The following PDK3 variants were observed in gnomAD, a reference collection of about 807,000 sequenced individuals.
PDK3 encodes the protein pyruvate dehydrogenase kinase 3.
Under a neutral mutation model 32.0 loss-of-function variants are expected in PDK3, and 12 were observed. The ratio of observed to expected loss-of-function variants is 0.37; its 90% confidence interval spans 0.24 to 0.61. The LOEUF (loss-of-function observed/expected upper bound fraction) is 0.61, where lower values mean the gene tolerates loss of function less well. PDK3 is among the 20% of genes least tolerant of loss of function. The pLI, the probability that PDK3 is intolerant of heterozygous loss-of-function variation, is 0.65. For missense variants in PDK3, 188 were observed against 316.9 expected (o/e 0.59, Z 3.09); for synonymous variants, 122 against 116.3 (o/e 1.05, Z -0.31).
rs111265989 is a variant in PDK3, at chrX:24,506,968, G to A, written c.595+1670G>A. Among the ~76,000 whole-genome samples, 1,032 of 109,003 alleles carry A rather than the reference G, an allele frequency of 9.5e-3. 11 individuals are homozygous for A. The highest frequency in any genetic ancestry group is 0.032 in the African/African-American group (965 of 29,953). 94.7% of individuals were successfully genotyped at this position (109,003 alleles called of 115,157 possible). A position where few individuals can be genotyped will look rare whatever the true frequency, so the allele number is the denominator to read the frequency against. ...TGGGACTACAGGCGCATGCCACCACGCCCAGCTAATTTTTGTATTTTTAAT... is the reference window on the plus strand; with the variant it reads ...TGGGACTACAGGCGCATGCCACCACACCCAGCTAATTTTTGTATTTTTAAT... On this transcript the variant is annotated intron_variant, in intron 5 of 10. Coordinates refer to ENST00000379162, the MANE Select transcript of PDK3 (RefSeq NM_005391.5).
chrX:24,482,511 C>T (rs5986463), intron 1 of PDK3, among the ~76,000 whole-genome samples: 48,116 of 111,045 alleles, frequency 0.43, 8,061 homozygotes, highest in African/African-American at 0.63. Context: ...TTTAAACCTA[C>T]GCTCTTTTCA....
chrX:24,470,651 T>A (rs1453427753), intron 1 of PDK3, among the ~76,000 whole-genome samples: 4 of 87,074 alleles, frequency 4.6e-5, no homozygotes, highest in Admixed American at 3.2e-4. Context: ...CATGCCCTTG[T>A]ACTCCAGCCT....
exon 12 of PDK3, chrX:24,547,178 G>A (rs1250503479): frequency 8.9e-6 from 1 of 112,055 alleles, no homozygotes; most frequent in East Asian, 2.8e-4. Context: ...GGAGTCCCAT[G>A]GTCCAGTTTG....
chrX:24,485,102 C>T (rs1368288258), intron 1 of PDK3, among the ~76,000 whole-genome samples: 1 of 112,087 alleles, frequency 8.9e-6, no homozygotes, highest in Non-Finnish European at 1.9e-5. Flanking sequence ...AATCCCAGCA[C>T]TTTGAGAGGC....
chrX:24,475,177 A>G (rs1921082132), intron 1 of PDK3, among the ~76,000 whole-genome samples: 1 of 111,142 alleles, frequency 9.0e-6, no homozygotes, highest in Non-Finnish European at 1.9e-5. Flanking sequence ...ACATATGTAA[A>G]TGACAGATTT....
chrX:24,468,392 G>A (rs774531974), intron 1 of PDK3, among the ~76,000 whole-genome samples: 4 of 111,688 alleles, frequency 3.6e-5, no homozygotes, highest in Non-Finnish European at 7.5e-5. Flanking sequence ...ACTCCAAGTC[G>A]TGACAACCAA....
chrX:24,483,552 G>A (rs1246992723), intron 1 of PDK3, among the ~76,000 whole-genome samples: 1 of 112,085 alleles, frequency 8.9e-6, no homozygotes, highest in Non-Finnish European at 1.9e-5. Flanking sequence ...TGATTTTAAG[G>A]ATTGAATACC....
chrX:24,532,242 G>A (rs1169051594), intron 10 of PDK3, among the ~76,000 whole-genome samples: 1 of 110,302 alleles, frequency 9.1e-6, no homozygotes, highest in Admixed American at 9.6e-5. Flanking sequence ...CTCCAGCCTG[G>A]GCGACAGAAT....
intron 2 of PDK3, among the ~76,000 whole-genome samples, chrX:24,496,843 G>A (rs747242995): frequency 6.4e-5 from 6 of 93,803 alleles, no homozygotes; most frequent in Non-Finnish European, 4.2e-5. Flanking sequence ...GTGCAGTGGC[G>A]GGATCTCAGC....
At chrX:24,488,545 C>A (rs899624542) in intron 1 of PDK3, among the ~76,000 whole-genome samples, 7 of 111,074 alleles carry the variant, frequency 6.3e-5, no homozygotes, top group Non-Finnish European at 1.1e-4. Flanking sequence ...AAAAATTAGC[C>A]GGGTGTGGTG....
At chrX:24,495,968 G>A (rs5986497) in intron 2 of PDK3, among the ~76,000 whole-genome samples, 2,889 of 111,694 alleles carry the variant, frequency 0.026, 61 homozygotes, top group South Asian at 0.22. Context: ...AGGAAGCAGG[G>A]ACAAAGACCA....
chrX:24,511,886 A>G (rs921743558), intron 5 of PDK3, among the ~76,000 whole-genome samples: 6 of 110,409 alleles, frequency 5.4e-5, no homozygotes, highest in Non-Finnish European at 1.1e-4. Flanking sequence ...ACAACAACAA[A>G]ACAAGTGTTA....
chrX:24,508,293 C>T (rs1922032859), intron 5 of PDK3, among the ~76,000 whole-genome samples: 1 of 111,201 alleles, frequency 9.0e-6, no homozygotes, highest in Non-Finnish European at 1.9e-5. Flanking sequence ...AGGGGAAAAT[C>T]TGCCCCCATG....
intron 1 of PDK3, among the ~76,000 whole-genome samples, chrX:24,485,675 A>G (rs770761203): frequency 8.9e-6 from 1 of 112,128 alleles, no homozygotes; most frequent in African/African-American, 3.2e-5. Context: ...GGTAAAGGAC[A>G]AAAGGGGGTT....
At chrX:24,490,478 A>G (rs765251746) in intron 1 of PDK3, among the ~76,000 whole-genome samples, 11 of 111,719 alleles carry the variant, frequency 9.8e-5, no homozygotes, top group Non-Finnish European at 1.9e-4. Flanking sequence ...AACGCCCCGC[A>G]GGACCATAAG....
intron 1 of PDK3, among the ~76,000 whole-genome samples, chrX:24,491,469 G>A (rs764974997): frequency 3.4e-4 from 37 of 110,031 alleles, no homozygotes; most frequent in Admixed American, 5.8e-4. Context: ...GTCAATGGGT[G>A]GAAAGTTACT....
chrX:24,476,249 C>T lies in PDK3; in HGVS notation c.106+10688C>T, dbSNP rs1921110989. On this transcript the variant is annotated intron_variant, in intron 1 of 10. Coordinates refer to ENST00000379162, the MANE Select transcript of PDK3 (RefSeq NM_005391.5). ...TCGTCCTCCATATCTGTGGGTTCCA[C>T]ATCCATGGATTCAATCAACCTCAGA... Among the ~76,000 whole-genome samples, 3 of 110,629 alleles carry T rather than the reference C, an allele frequency of 2.7e-5. No homozygotes were observed. In the South Asian group the frequency reaches 1.1e-3, roughly 42 times the overall value.
At chrX:24,545,887 A>G (rs1249933354) in exon 12 of PDK3, 3 of 111,856 alleles carry the variant, frequency 2.7e-5, no homozygotes. Context: ...AGGACATTGA[A>G]TAGTACGATT....
chrX:24,516,285 A>C (rs1384510538), intron 5 of PDK3, among the ~76,000 whole-genome samples: 4 of 111,579 alleles, frequency 3.6e-5, no homozygotes, highest in African/African-American at 1.3e-4. Flanking sequence ...AGAGCTGATA[A>C]TCCTGTTGAG....
Sources: gnomAD v4.1 joint callset for allele counts (sites outside exome capture counted in the v4.1 genomes callset) on GRCh38, gnomAD v4.1.1 for gene constraint, MANE v1.5 for transcripts, NCBI Gene and HGNC (gene_info 2026-07-23, HGNC 2026-07-21) for gene names.